The following TPO variants were observed in gnomAD, a reference collection of about 807,000 sequenced individuals.
TPO encodes the protein thyroid microsomal antigen.
In TPO, 78 loss-of-function variants were observed where a neutral mutation model predicts 96.9. The observed-to-expected ratio is 0.81, with a 90% confidence interval of 0.67 to 0.97. The LOEUF is 0.97. TPO is among the 50% of genes least tolerant of loss of function. The pLI is 0.00. For synonymous variants in TPO, 547 were observed against 538.0 expected (o/e 1.02, Z -0.23); for missense variants, 1,252 against 1,274.8 (o/e 0.98, Z 0.27).
intron 7 of TPO, among the ~76,000 whole-genome samples, chr2:1,469,748 G>C (rs923668870): frequency 1.1e-4 from 17 of 152,296 alleles, no homozygotes; most frequent in Middle Eastern, 6.8e-3. Flanking sequence ...GTTCCGCAGT[G>C]GGGGTGCATG....
chr2:1,397,825 C>T (rs570623798), intron 1 of TPO, among the ~76,000 whole-genome samples: 13 of 152,238 alleles, frequency 8.5e-5, no homozygotes, highest in South Asian at 2.1e-4. Context: ...GCACAACCCC[C>T]GATGTTGTCT....
chr2:1,379,511 C>A (rs1239857931), intron 1 of TPO, among the ~76,000 whole-genome samples: 1 of 152,118 alleles, frequency 6.6e-6, no homozygotes, highest in Non-Finnish European at 1.5e-5. Flanking sequence ...AGGGGTTCAC[C>A]ATAAGCCCCT....
chr2:1,541,495 T>C (rs1680765338), intron 16 of TPO: 2 of 154,260 alleles, frequency 1.3e-5, no homozygotes, highest in South Asian at 2.0e-4. Flanking sequence ...TGGCTGGGTC[T>C]ACAGGCGCTC....
intron 3 of TPO, among the ~76,000 whole-genome samples, chr2:1,425,830 G>C (rs971369109): frequency 6.6e-6 from 1 of 151,732 alleles, no homozygotes; most frequent in Non-Finnish European, 1.5e-5. Flanking sequence ...TAAAGTCATT[G>C]TTCTAGATGC....
chr2:1,466,910 CCTTT>C (rs1433155256), intron 7 of TPO, among the ~76,000 whole-genome samples: 1 of 151,756 alleles, frequency 6.6e-6, no homozygotes, highest in East Asian at 1.9e-4. Flanking sequence ...TTGGTTATTT[CCTTT>C]CTTCTGCTGG....
intron 15 of TPO, among the ~76,000 whole-genome samples, chr2:1,525,393 A>G (rs1397861888): frequency 0.041 from 1,070 of 25,934 alleles, no homozygotes; most frequent in Middle Eastern, 0.062. Context: ...AATCCCCCCA[A>G]TGTGTGCAAC....
Position 1,487,743 on chromosome 2 carries a change from A to G in TPO, c.1598-78A>G, listed in dbSNP as rs1007301269. Reference sequence around the variant, plus strand: ...GAAAGAATGAGACTCCGTCTCAAAAAAAAAAAAAATTGAGATATTGTTGTT... The same window carrying G: ...GAAAGAATGAGACTCCGTCTCAAAAGAAAAAAAAATTGAGATATTGTTGTT... On this transcript the variant is annotated intron_variant, in intron 9 of 16. Coordinates refer to ENST00000329066, the MANE Select transcript of TPO (RefSeq NM_001206744.2). The G allele has an allele frequency of 5.4e-5, 86 of 1,588,998 alleles. No homozygotes were observed. In the African/African-American group the frequency reaches 1.1e-3, roughly 19 times the overall value.
chr2:1,534,105 C>G, intron 15 of TPO, among the ~76,000 whole-genome samples: 1 of 96,472 alleles, frequency 1.0e-5, no homozygotes, highest in Admixed American at 1.3e-4. Context: ...CCCAAAACGC[C>G]CCCACTCTGT....
chr2:1,540,888 CAGTG>C, intron 16 of TPO, 165 bp downstream of exon 16: 1 of 1,547,014 alleles, frequency 6.5e-7, no homozygotes, highest in Non-Finnish European at 8.7e-7. Context: ...AAGCTAATGA[CAGTG>C]AGCCAGAATG....
At position 1,530,828 on chromosome 2, in the gene TPO, C is replaced by T. The variant is rs543266167; in HGVS notation, c.2619-9766C>T. On this transcript the variant is annotated intron_variant, in intron 15 of 16. Transcript: ENST00000329066. ...GACTGTGTGCAACCTCCTGAAATCC[C>T]TTCACTGCGTGCAACCTCCCCAAAT... Among the ~76,000 whole-genome samples the T allele has an allele frequency of 1.0e-4, 14 of 138,390 alleles. 1 individual carries two copies. Among genetic ancestry groups the T allele is most frequent in the Admixed American group, 5.1e-4 (7 of 13,686 alleles). 90.8% of individuals were successfully genotyped at this position (138,390 alleles called of 152,430 possible). A position where few individuals can be genotyped will look rare whatever the true frequency, so the allele number is the denominator to read the frequency against.
chr2:1,379,565 T>C (rs943723384), intron 1 of TPO, among the ~76,000 whole-genome samples: 2 of 152,118 alleles, frequency 1.3e-5, no homozygotes, highest in Non-Finnish European at 2.9e-5. Context: ...CTGTGGGTGA[T>C]GTCTCCTTAC....
intron 2 of TPO, among the ~76,000 whole-genome samples, chr2:1,421,582 G>A (rs764577383): frequency 5.3e-5 from 8 of 152,342 alleles, no homozygotes; most frequent in African/African-American, 1.9e-4. Flanking sequence ...ATAAGCGGTC[G>A]TGACTGACCA....
intron 13 of TPO, among the ~76,000 whole-genome samples, chr2:1,500,106 A>G (rs895382740): frequency 3.3e-5 from 5 of 152,186 alleles, no homozygotes; most frequent in East Asian, 1.9e-4. Context: ...CTACACAGCA[A>G]TGTGTACATT....
chr2:1,534,508 A>G (rs1378446228), intron 15 of TPO, among the ~76,000 whole-genome samples: 2 of 85,656 alleles, frequency 2.3e-5, no homozygotes, highest in Admixed American at 3.0e-4. Context: ...GCAGTGTGCA[A>G]CTTCCCCAAA....
At chr2:1,407,860 T>C (rs1662270201) in intron 1 of TPO, among the ~76,000 whole-genome samples, 1 of 152,208 alleles carries the variant, frequency 6.6e-6, no homozygotes, top group Admixed American at 6.5e-5. Flanking sequence ...TAAAGACAAA[T>C]TGAACTAAAA....
chr2:1,542,766 G>GCAATCCT lies in TPO; in HGVS notation c.*294_*300dup. On this transcript the variant is annotated 3_prime_UTR_variant, in exon 17 of 17. Transcript: ENST00000329066. Reference sequence around the variant, plus strand: ...TGTGAACCCTGGAAACACCACTCTTGCAATCCTCCTGTCTCCACCTTCTGG... The same window carrying GCAATCCT: ...TGTGAACCCTGGAAACACCACTCTTGCAATCCTCAATCCTCCTGTCTCCACCTTCTGG... The GCAATCCT allele has an allele frequency of 1.3e-6, 1 of 748,156 alleles. No individual in the cohort carries two copies. The highest frequency in any genetic ancestry group is 1.8e-5 in the South Asian group (1 of 54,480). The allele number at this position is 748,156 out of a possible 1,614,324, so 46.3% of individuals were successfully genotyped here. A position where few individuals can be genotyped will look rare whatever the true frequency, so the allele number is the denominator to read the frequency against.
intron 1 of TPO, among the ~76,000 whole-genome samples, chr2:1,375,605 G>A (rs2148335011): frequency 6.6e-6 from 1 of 152,230 alleles, no homozygotes; most frequent in Non-Finnish European, 1.5e-5. Flanking sequence ...GTAAGCCCTG[G>A]AAATCACAGC....
chr2:1,489,219 A>G (rs749612749), intron 10 of TPO, among the ~76,000 whole-genome samples: 7 of 147,652 alleles, frequency 4.7e-5, no homozygotes, highest in Non-Finnish European at 7.4e-5. Flanking sequence ...TGCCCAGCAC[A>G]CGCCTGCACA....
intron 12 of TPO, 65 bp from the exon 13 acceptor site, chr2:1,496,530 G>A (rs1672367642): frequency 6.2e-7 from 1 of 1,606,922 alleles, no homozygotes. Context: ...CCGTGACAGG[G>A]ACGTTGGTGT....
Sources: allele counts gnomAD v4.1 joint callset (sites outside exome capture counted in the v4.1 genomes callset), GRCh38; gene constraint gnomAD v4.1.1; transcripts MANE v1.5; gene names NCBI Gene and HGNC (gene_info 2026-07-23, HGNC 2026-07-21).